The following ZNF704 variants were observed in gnomAD, a reference collection of about 807,000 sequenced individuals.
ZNF704 encodes the protein zinc finger protein 704.
ZNF704 carries 10 observed loss-of-function variants against 44.7 expected under a neutral mutation model. The ratio of observed to expected loss-of-function variants is 0.22; its 90% CI spans 0.14 to 0.38. The LOEUF is 0.38. ZNF704 is among the 10% of genes least tolerant of loss of function. The pLI, the probability that ZNF704 is intolerant of heterozygous loss-of-function variation, is 1.00. For missense variants in ZNF704, 390 were observed against 545.5 expected (o/e 0.71, Z 2.84); for synonymous variants, 211 against 207.6 (o/e 1.02, Z -0.14).
chr8:80,834,117 C>G (rs371795862), intron 1 of ZNF704, among the ~76,000 whole-genome samples: 10 of 151,976 alleles, frequency 6.6e-5, no homozygotes, highest in African/African-American at 2.4e-4. Flanking sequence ...TCACTAGAGC[C>G]CAGGAAGTCA....
chr8:80,806,671 T>A (rs749063755), intron 2 of ZNF704, among the ~76,000 whole-genome samples: 22 of 152,156 alleles, frequency 1.4e-4, no homozygotes, highest in Non-Finnish European at 2.6e-4. Context: ...CAGGACCAAA[T>A]GGAGCTTCAA....
chr8:80,821,459 G>A lies in ZNF704; in HGVS notation c.136C>T (p.His46Tyr), dbSNP rs142158499. 166 of 1,614,112 alleles carry A rather than the reference G, an allele frequency of 1.0e-4. No individual in the cohort carries two copies. The East Asian group carries it at 3.7e-3, about 36-fold the overall frequency. The change falls in exon 2 of 9, where the codon CAT becomes TAT. Residue 46 changes from histidine to tyrosine, a missense_variant. Around this residue, in one of 3 missense-constraint regions of ZNF704, gnomAD observed 80 missense variants for 83.7 expected, o/e 0.96. Transcript: ENST00000327835. The part of the protein sequence containing the change: ...DTKKASRILD[H>Y]EKENTRSICL... Reference sequence around the variant, plus strand: ...ATGGAGCGAGTGTTTTCTTTTTCATGGTCAAGGATCCGGCTGGCTTTTTTG... The same window carrying A: ...ATGGAGCGAGTGTTTTCTTTTTCATAGTCAAGGATCCGGCTGGCTTTTTTG...
At chr8:80,876,532 G>A (rs1047443087), upstream of ZNF704, among the ~76,000 whole-genome samples, 4 of 152,192 alleles carry the variant, frequency 2.6e-5, no homozygotes, top group African/African-American at 9.7e-5. Flanking sequence ...GGAGGACAAA[G>A]GTGTGAGGCA....
upstream of ZNF704, among the ~76,000 whole-genome samples, chr8:80,876,431 T>C (rs961436736): frequency 6.6e-6 from 1 of 152,148 alleles, no homozygotes; most frequent in Admixed American, 6.5e-5. Context: ...ATTTGGGAGA[T>C]GATTTTAGAG....
intron 2 of ZNF704, among the ~76,000 whole-genome samples, chr8:80,719,716 G>GT (rs984435919): frequency 2.0e-5 from 3 of 152,278 alleles, no homozygotes; most frequent in South Asian, 2.1e-4. Context: ...GCTTGTCACT[G>GT]TTTTTAGGAA....
chr8:80,798,882 A>G (rs1807853348), intron 2 of ZNF704, among the ~76,000 whole-genome samples: 1 of 152,228 alleles, frequency 6.6e-6, no homozygotes, highest in African/African-American at 2.4e-5. Flanking sequence ...GAGGCTGAGA[A>G]GTCCAAGGTT....
chr8:80,847,068 G>A (rs573700558), intron 1 of ZNF704, among the ~76,000 whole-genome samples: 115 of 152,158 alleles, frequency 7.6e-4, no homozygotes, highest in Non-Finnish European at 1.4e-3. Context: ...AGCTACTCGG[G>A]TGGCTGAGGC....
intron 2 of ZNF704, among the ~76,000 whole-genome samples, chr8:80,766,294 G>A (rs1807226408): frequency 6.6e-6 from 1 of 152,066 alleles, no homozygotes; most frequent in African/African-American, 2.4e-5. Context: ...AAAGCAGCAA[G>A]GGTCAAACAT....
chr8:80,783,863 CCT>C (rs1563552182), intron 2 of ZNF704, among the ~76,000 whole-genome samples: 1 of 152,110 alleles, frequency 6.6e-6, no homozygotes, highest in South Asian at 2.1e-4. Context: ...CCTTAAAAAT[CCT>C]CTGTGTTCTC....
chr8:80,777,286 G>C (rs551152979), intron 2 of ZNF704, among the ~76,000 whole-genome samples: 1 of 152,148 alleles, frequency 6.6e-6, no homozygotes, highest in South Asian at 2.1e-4. Context: ...AATAATTGTA[G>C]CAACACAGAA....
At chr8:80,719,688 T>C (rs1401369878) in intron 2 of ZNF704, among the ~76,000 whole-genome samples, 1 of 152,228 alleles carries the variant, frequency 6.6e-6, no homozygotes, top group African/African-American at 2.4e-5. Flanking sequence ...AGTAAATTCA[T>C]GGATGTTTCA....
At chr8:80,724,440 C>T (rs1471838156) in intron 2 of ZNF704, among the ~76,000 whole-genome samples, 1 of 152,174 alleles carries the variant, frequency 6.6e-6, no homozygotes, top group Non-Finnish European at 1.5e-5. Flanking sequence ...TCACTTATGA[C>T]AAATATATAT....
At chr8:80,713,316 C>T (rs1819017526) in intron 2 of ZNF704, among the ~76,000 whole-genome samples, 1 of 152,064 alleles carries the variant, frequency 6.6e-6, no homozygotes, top group Non-Finnish European at 1.5e-5. Context: ...CACCTAAATC[C>T]CCTAAGTGTT....
At chr8:80,743,562 C>T (rs1806798810) in intron 2 of ZNF704, among the ~76,000 whole-genome samples, 1 of 152,220 alleles carries the variant, frequency 6.6e-6, no homozygotes, top group East Asian at 1.9e-4. Context: ...AGAGCAGTGG[C>T]TCTCCTGGCT....
intron 2 of ZNF704, among the ~76,000 whole-genome samples, chr8:80,756,787 G>GA (rs1295501157): frequency 6.6e-6 from 1 of 152,204 alleles, no homozygotes; most frequent in African/African-American, 2.4e-5. Flanking sequence ...ACCAAGTGAT[G>GA]ATTTAACCTT....
intron 2 of ZNF704, among the ~76,000 whole-genome samples, chr8:80,763,618 G>A (rs1014594129): frequency 7.9e-5 from 12 of 152,202 alleles, no homozygotes; most frequent in African/African-American, 2.7e-4. Flanking sequence ...AGGGGCTCCC[G>A]TGAAGGTCTC....
At chr8:80,830,304 G>A (rs1450038033) in intron 1 of ZNF704, among the ~76,000 whole-genome samples, 1 of 152,180 alleles carries the variant, frequency 6.6e-6, no homozygotes, top group African/African-American at 2.4e-5. Context: ...AGCAGTAGAA[G>A]GTGACAAGGC....
chr8:80,857,467 A>G (rs948090194), intron 1 of ZNF704, among the ~76,000 whole-genome samples: 3 of 152,192 alleles, frequency 2.0e-5, no homozygotes, highest in African/African-American at 7.2e-5. Flanking sequence ...GCATCTATTG[A>G]GATAATCATA....
At chr8:80,758,822 TATGA>T (rs1329114412) in intron 2 of ZNF704, among the ~76,000 whole-genome samples, 2 of 152,238 alleles carry the variant, frequency 1.3e-5, no homozygotes, top group African/African-American at 4.8e-5. Flanking sequence ...TATTTTTCTT[TATGA>T]ATTACACAGA....
Sources: gnomAD v4.1 joint callset for allele counts (sites outside exome capture counted in the v4.1 genomes callset) on GRCh38, gnomAD v4.1.1 for gene constraint, gnomAD v4.1.1 regional missense constraint, MANE v1.5 for transcripts, NCBI Gene and HGNC (gene_info 2026-07-23, HGNC 2026-07-21) for gene names.